SLC25A24: variants seen among roughly 807,000 people sequenced by gnomAD.
SLC25A24 encodes mitochondrial adenyl nucleotide antiporter SLC25A24.
In SLC25A24, 49 loss-of-function variants were observed where a neutral mutation model predicts 60.7. That is an observed-to-expected ratio of 0.81 (90% CI 0.64 to 1.02). SLC25A24 has a LOEUF of 1.02. Ranked by LOEUF, SLC25A24 falls within the 50% of genes least tolerant of loss-of-function variation. The probability of loss-of-function intolerance (pLI) is 0.00; values close to 1 mark genes in which losing one functional copy is unlikely to be tolerated. For missense variants in SLC25A24, 564 were observed against 586.3 expected (o/e 0.96, Z 0.39); for synonymous variants, 202 against 200.6 (o/e 1.01, Z -0.06).
At chr1:108,154,112 G>T (rs1679824418) in intron 6 of SLC25A24, among the ~76,000 whole-genome samples, 1 of 140,138 alleles carries the variant, frequency 7.1e-6, no homozygotes, top group South Asian at 2.2e-4. Flanking sequence ...CCTAGGCAAA[G>T]AAAAGGATAC....
chr1:108,188,120 G>A (rs1016559728), intron 1 of SLC25A24, among the ~76,000 whole-genome samples: 1 of 151,690 alleles, frequency 6.6e-6, no homozygotes, highest in Admixed American at 6.6e-5. Flanking sequence ...GCGAATCAAC[G>A]CAGAAATAGA....
chr1:108,198,260 T>C (rs1001496461), intron 1 of SLC25A24, among the ~76,000 whole-genome samples: 25 of 152,158 alleles, frequency 1.6e-4, no homozygotes, highest in African/African-American at 5.6e-4. Context: ...GAAAAGGAAT[T>C]TCACCTGCAG....
chr1:108,139,265 A>G (rs1571275356), intron 8 of SLC25A24, 57 bp from the exon 9 acceptor site: 1 of 1,503,026 alleles, frequency 6.7e-7, no homozygotes, highest in East Asian at 2.3e-5. Flanking sequence ...CAACGTAAAC[A>G]TTTTCACAGC....
rs1343468774 is a variant in SLC25A24, at chr1:108,136,524, T to C, written c.*129A>G. On this transcript the variant is annotated 3_prime_UTR_variant, in exon 10 of 10. Transcript: ENST00000565488. ...GCCCAAAAGTTTGAAGTGACCATTG[T>C]TACCATCTTCCCTTTTGTGAAAAAA... The C allele has an allele frequency of 4.2e-6, 3 of 711,380 alleles. No individual in the cohort carries two copies. The highest frequency in any genetic ancestry group is 3.6e-5 in the African/African-American group (2 of 55,786). The allele number at this position is 711,380 out of a possible 1,614,324, so 44.1% of individuals were successfully genotyped here. A position where few individuals can be genotyped will look rare whatever the true frequency, so the allele number is the denominator to read the frequency against.
rs981025701 is a variant in SLC25A24 at position 108,135,884 on chromosome 1, A to G, written c.*769T>C. 1.3e-5 allele frequency: 2 copies of G among 152,440 alleles called. No individual in the cohort carries two copies. The highest frequency in any genetic ancestry group is 2.9e-5 in the Non-Finnish European group (2 of 68,046). The allele number at this position is 152,440 out of a possible 1,614,324, so 9.4% of individuals were successfully genotyped here. A position where few individuals can be genotyped will look rare whatever the true frequency, so the allele number is the denominator to read the frequency against. ...AAAGGAAAACAAAGATGCTCTGCAG[A>G]AGCTGATACAAGTCAAAGGATTTCG... On this transcript the variant is annotated 3_prime_UTR_variant, in exon 10 of 10. Transcript: ENST00000565488.
intron 1 of SLC25A24, 44 bp from the exon 2 acceptor site, chr1:108,185,998 A>C: frequency 7.0e-7 from 1 of 1,427,388 alleles, no homozygotes; most frequent in Non-Finnish European, 9.6e-7. Flanking sequence ...ATATGGGCTG[A>C]TGCACTAAAT....
At chr1:108,181,411 C>T (rs925659498) in intron 3 of SLC25A24, among the ~76,000 whole-genome samples, 1 of 152,158 alleles carries the variant, frequency 6.6e-6, no homozygotes, top group Non-Finnish European at 1.5e-5. Context: ...TGAAACAAAA[C>T]ATTAAGAGTA....
At chr1:108,173,286 G>A (rs1230416420) in intron 3 of SLC25A24, among the ~76,000 whole-genome samples, 1 of 152,124 alleles carries the variant, frequency 6.6e-6, no homozygotes, top group Non-Finnish European at 1.5e-5. Flanking sequence ...AATTATGGGG[G>A]GTGGTCAACC....
chr1:108,154,098 AT>A lies in SLC25A24; in HGVS notation c.822+884del, dbSNP rs1405134867. On this transcript the variant is annotated intron_variant, in intron 6 of 9. Coordinates refer to ENST00000565488, the MANE Select transcript of SLC25A24 (RefSeq NM_013386.5). ...ATTTTTTTTTTTTTTTTGCTTCTCT[AT>A]TTCCTAGGCAAAGAAAAGGATACCA... Among the ~76,000 whole-genome samples the A allele has an allele frequency of 5.5e-4, 38 of 68,654 alleles. No individual in the cohort carries two copies. In the East Asian group the frequency reaches 0.016, roughly 28 times the overall value. The allele number at this position is 68,654 out of a possible 152,430, so 45.0% of individuals were successfully genotyped here. A position where few individuals can be genotyped will look rare whatever the true frequency, so the allele number is the denominator to read the frequency against.
chr1:108,168,455 G>A (rs1338682295), intron 3 of SLC25A24, among the ~76,000 whole-genome samples: 1 of 152,086 alleles, frequency 6.6e-6, no homozygotes, highest in East Asian at 1.9e-4. Flanking sequence ...TTCTAAAACA[G>A]TGCCTGCCAC....
intron 1 of SLC25A24, among the ~76,000 whole-genome samples, chr1:108,195,469 G>C (rs1358136292): frequency 6.6e-6 from 1 of 152,130 alleles, no homozygotes; most frequent in Non-Finnish European, 1.5e-5. Context: ...CATTCTTTCA[G>C]ACACTTTATT....
At chr1:108,154,329 C>T (rs979710646) in intron 6 of SLC25A24, among the ~76,000 whole-genome samples, 1 of 152,058 alleles carries the variant, frequency 6.6e-6, no homozygotes, top group Non-Finnish European at 1.5e-5. Context: ...CTGCTAATGA[C>T]CATAAAGAGA....
intron 1 of SLC25A24, chr1:108,199,666 A>G: frequency 3.9e-6 from 2 of 516,412 alleles, no homozygotes; most frequent in Non-Finnish European, 6.8e-6. Flanking sequence ...GGATGGATTC[A>G]GGACAAAAGT....
chr1:108,137,660 C>T (rs1328512365), intron 9 of SLC25A24, among the ~76,000 whole-genome samples: 7 of 152,248 alleles, frequency 4.6e-5, no homozygotes, highest in East Asian at 3.9e-4. Context: ...ATCTATCAGC[C>T]GTATCAGTCA....
chr1:108,154,232 T>G (rs540762174), intron 6 of SLC25A24, among the ~76,000 whole-genome samples: 2 of 151,760 alleles, frequency 1.3e-5, no homozygotes, highest in East Asian at 3.9e-4. Flanking sequence ...GGGGGGGAGT[T>G]GAATTTCAAG....
At chr1:108,164,765 T>C in intron 3 of SLC25A24, among the ~76,000 whole-genome samples, 1 of 76,586 alleles carries the variant, frequency 1.3e-5, no homozygotes, top group Admixed American at 1.1e-4. Flanking sequence ...TCATTAATTT[T>C]TTGAAGGGTT....
intron 2 of SLC25A24, 109 bp from the exon 3 acceptor site, chr1:108,182,137 C>T: frequency 1.4e-6 from 1 of 693,074 alleles, no homozygotes; most frequent in Non-Finnish European, 2.5e-6. Flanking sequence ...CTGATTAAGG[C>T]AAAATTGTGC....
chr1:108,139,473 G>T (rs1679386156), intron 8 of SLC25A24, among the ~76,000 whole-genome samples: 1 of 152,132 alleles, frequency 6.6e-6, no homozygotes, highest in African/African-American at 2.4e-5. Context: ...AGGATCTAAA[G>T]AACACCTCTT....
At chr1:108,163,982 T>C (rs1277474195) in intron 3 of SLC25A24, among the ~76,000 whole-genome samples, 1 of 152,242 alleles carries the variant, frequency 6.6e-6, no homozygotes, top group African/African-American at 2.4e-5. Flanking sequence ...ACCTAATTTA[T>C]TGAAAGTTTT....
Sources: allele counts gnomAD v4.1 joint callset (sites outside exome capture counted in the v4.1 genomes callset), GRCh38; gene constraint gnomAD v4.1.1; transcripts MANE v1.5; gene names NCBI Gene and HGNC (gene_info 2026-07-23, HGNC 2026-07-21).